The following PLGRKT variants were observed in gnomAD, a reference collection of about 807,000 sequenced individuals.
PLGRKT encodes plasminogen receptor (KT).
In PLGRKT, 22 loss-of-function variants were observed where a neutral mutation model predicts 18.5. The ratio of observed to expected loss-of-function variants is 1.19; its 90% CI spans 0.85 to 1.70. The LOEUF (loss-of-function observed/expected upper bound fraction) is 1.70. Among genes scored for constraint, PLGRKT ranks in the 40% most tolerant of loss-of-function variants. The pLI is 0.00. For synonymous variants in PLGRKT, 72 were observed against 52.8 expected (o/e 1.36, Z -1.58); for missense variants, 235 against 174.4 (o/e 1.35, Z -1.96).
chr9:5,421,743 T>C (rs1482872591), intron 3 of PLGRKT, among the ~76,000 whole-genome samples: 1 of 152,230 alleles, frequency 6.6e-6, no homozygotes, highest in Admixed American at 6.5e-5. Context: ...ATTATTAAGC[T>C]ATATACTCAC....
intron 3 of PLGRKT, among the ~76,000 whole-genome samples, chr9:5,431,206 T>C (rs1365733866): frequency 6.6e-6 from 1 of 152,136 alleles, no homozygotes; most frequent in Non-Finnish European, 1.5e-5. Context: ...TCTTCAAATC[T>C]CTCTTATACT....
intron 3 of PLGRKT, among the ~76,000 whole-genome samples, chr9:5,362,698 AC>A (rs1428335047): frequency 6.6e-6 from 1 of 152,286 alleles, no homozygotes; most frequent in Non-Finnish European, 1.5e-5. Context: ...GAGAGGAAGG[AC>A]TAATAATGTG....
intron 3 of PLGRKT, among the ~76,000 whole-genome samples, chr9:5,382,468 G>C (rs1291078729): frequency 1.3e-5 from 2 of 152,174 alleles, no homozygotes; most frequent in Non-Finnish European, 2.9e-5. Context: ...TCAGGCAGAG[G>C]GAACAGCATG....
intron 3 of PLGRKT, among the ~76,000 whole-genome samples, chr9:5,391,480 C>T (rs1817948501): frequency 6.6e-6 from 1 of 151,928 alleles, no homozygotes. Context: ...ATGTAATGAG[C>T]TGTGCTTCTG....
chr9:5,434,505 G>A lies in PLGRKT; in HGVS notation c.-7+2064C>T, dbSNP rs546454222. Among the ~76,000 whole-genome samples the A allele has an allele frequency of 2.0e-3, 294 of 147,330 alleles. 8 individuals carry two copies. The highest frequency in any genetic ancestry group is 0.012 in the South Asian group (56 of 4,648). On this transcript the variant is annotated intron_variant, in intron 2 of 5. Coordinates refer to ENST00000223864, the MANE Select transcript of PLGRKT (RefSeq NM_018465.4). Reference sequence around the variant, plus strand: ...CCGGCTGCCCCGCCTGGGAAGTGAGGGGCACCTCTGCCCGGCTGCTCTTTG... The same window carrying A: ...CCGGCTGCCCCGCCTGGGAAGTGAGAGGCACCTCTGCCCGGCTGCTCTTTG...
intron 2 of PLGRKT, among the ~76,000 whole-genome samples, chr9:5,432,665 T>G (rs928812763): frequency 1.3e-5 from 2 of 151,924 alleles, no homozygotes; most frequent in African/African-American, 4.8e-5. Flanking sequence ...TCCTGACTGG[T>G]TTTTGTATTT....
At chr9:5,427,586 T>C (rs925661211) in intron 3 of PLGRKT, among the ~76,000 whole-genome samples, 2 of 152,228 alleles carry the variant, frequency 1.3e-5, no homozygotes, top group African/African-American at 4.8e-5. Context: ...AACTTTATCA[T>C]AGGTATGTAT....
chr9:5,417,456 A>G (rs1455939538), intron 3 of PLGRKT, among the ~76,000 whole-genome samples: 1 of 152,166 alleles, frequency 6.6e-6, no homozygotes, highest in African/African-American at 2.4e-5. Flanking sequence ...GTAAATCCAT[A>G]TGAAGTTGGA....
intron 3 of PLGRKT, among the ~76,000 whole-genome samples, chr9:5,376,202 G>A (rs1817623971): frequency 6.6e-6 from 1 of 152,206 alleles, no homozygotes; most frequent in Non-Finnish European, 1.5e-5. Context: ...GGAGTGGAGA[G>A]TGGGGAGTTT....
At chr9:5,398,663 C>A (rs914517061) in intron 3 of PLGRKT, among the ~76,000 whole-genome samples, 29 of 151,854 alleles carry the variant, frequency 1.9e-4, no homozygotes, top group South Asian at 2.1e-4. Flanking sequence ...CCTTTGGGAT[C>A]CTCTCACTGG....
intron 5 of PLGRKT, among the ~76,000 whole-genome samples, chr9:5,358,700 C>T (rs1247700921): frequency 6.6e-6 from 1 of 152,266 alleles, no homozygotes; most frequent in South Asian, 2.1e-4. Flanking sequence ...CATAGTCTTT[C>T]CCATTGTCCT....
chr9:5,437,299 G>T (rs1818979073), intron 1 of PLGRKT, among the ~76,000 whole-genome samples: 1 of 152,166 alleles, frequency 6.6e-6, no homozygotes, highest in Admixed American at 6.5e-5. Flanking sequence ...TTACCACGCT[G>T]ACTTATTTCC....
At chr9:5,405,521 A>T (rs1268513331) in intron 3 of PLGRKT, among the ~76,000 whole-genome samples, 1 of 152,252 alleles carries the variant, frequency 6.6e-6, no homozygotes, top group African/African-American at 2.4e-5. Context: ...AGGACTCCCT[A>T]TTTAATAAAT....
At chr9:5,409,490 T>C (rs556346689) in intron 3 of PLGRKT, among the ~76,000 whole-genome samples, 7 of 152,342 alleles carry the variant, frequency 4.6e-5, no homozygotes, top group African/African-American at 1.7e-4. Context: ...AGATGGCCTA[T>C]TGTGGGATCT....
chr9:5,405,585 C>T (rs566642964), intron 3 of PLGRKT, among the ~76,000 whole-genome samples: 1 of 152,292 alleles, frequency 6.6e-6, no homozygotes, highest in East Asian at 1.9e-4. Flanking sequence ...GGATCCCTTC[C>T]TTACACCCTA....
chr9:5,407,159 A>T (rs1347403614), intron 3 of PLGRKT, among the ~76,000 whole-genome samples: 4 of 152,236 alleles, frequency 2.6e-5, no homozygotes, highest in African/African-American at 9.6e-5. Flanking sequence ...TAAAACATGT[A>T]CAATGATTGA....
chr9:5,385,557 T>C (rs912348135), intron 3 of PLGRKT, among the ~76,000 whole-genome samples: 1 of 151,784 alleles, frequency 6.6e-6, no homozygotes, highest in African/African-American at 2.4e-5. Flanking sequence ...CCATTTTTCA[T>C]TTCCTTCTCA....
At chr9:5,387,792 C>A (rs1454332176) in intron 3 of PLGRKT, among the ~76,000 whole-genome samples, 1 of 151,756 alleles carries the variant, frequency 6.6e-6, no homozygotes, top group South Asian at 2.1e-4. Flanking sequence ...TATACTTTAA[C>A]ATAAGAAGAA....
At chr9:5,433,591 G>A (rs964619855) in intron 2 of PLGRKT, among the ~76,000 whole-genome samples, 2 of 146,830 alleles carry the variant, frequency 1.4e-5, no homozygotes, top group South Asian at 2.2e-4. Flanking sequence ...GGGAAGTGAG[G>A]AGCGTCTCTG....
Sources: gnomAD v4.1 joint callset for allele counts (sites outside exome capture counted in the v4.1 genomes callset) on GRCh38, gnomAD v4.1.1 for gene constraint, MANE v1.5 for transcripts, NCBI Gene and HGNC (gene_info 2026-07-23, HGNC 2026-07-21) for gene names.